The following PLCZ1 variants were observed in gnomAD, a reference collection of about 807,000 sequenced individuals.
PLCZ1 encodes 1-phosphatidylinositol 4,5-bisphosphate phosphodiesterase zeta-1.
PLCZ1 carries 64 observed loss-of-function variants against 76.8 expected under a neutral mutation model. The ratio of observed to expected loss-of-function variants is 0.83; its 90% CI spans 0.68 to 1.03. PLCZ1 has a LOEUF of 1.03. Among genes scored for constraint, PLCZ1 ranks in the 50% least tolerant of loss-of-function variants. PLCZ1 has a pLI of 0.00. For synonymous variants in PLCZ1, 248 were observed against 230.8 expected (o/e 1.07, Z -0.68); for missense variants, 751 against 713.7 (o/e 1.05, Z -0.60).
rs1843777 is a variant in PLCZ1, at chr12:18,689,402, G to A, written c.1462-1184C>T. Among the ~76,000 whole-genome samples the A allele has an allele frequency of 2.6e-3, 402 of 152,310 alleles. 12 individuals are homozygous for A. Among genetic ancestry groups the A allele is most frequent in the Admixed American group, 0.024 (360 of 15,306 alleles). On this transcript the variant is annotated intron_variant, in intron 12 of 14. Transcript: ENST00000266505. ...ATGGTGGCTTTGAATGCGGCCCAAC[G>A]CAAATTCATAAACTTTCTTAAAACA... is the stretch of plus-strand genomic sequence containing the variant.
intron 12 of PLCZ1, among the ~76,000 whole-genome samples, chr12:18,689,482 G>A (rs555746237): frequency 1.3e-4 from 20 of 152,260 alleles, no homozygotes; most frequent in African/African-American, 3.4e-4. Context: ...TAGTGTTAGT[G>A]TATTTTATGT....
chr12:18,707,951 A>C (rs780691242), intron 6 of PLCZ1, among the ~76,000 whole-genome samples: 10 of 152,212 alleles, frequency 6.6e-5, no homozygotes, highest in Non-Finnish European at 1.2e-4. Flanking sequence ...AGGTTATTAC[A>C]GTGAATCAAA....
At chr12:18,722,988 T>G (rs1242787831) in intron 4 of PLCZ1, among the ~76,000 whole-genome samples, 1 of 152,000 alleles carries the variant, frequency 6.6e-6, no homozygotes, top group Non-Finnish European at 1.5e-5. Context: ...TCAAGATACT[T>G]TCTTCTAATA....
intron 7 of PLCZ1, among the ~76,000 whole-genome samples, chr12:18,704,851 T>G (rs374272362): frequency 6.6e-6 from 1 of 152,104 alleles, no homozygotes; most frequent in African/African-American, 2.4e-5. Context: ...TTTGCCACTT[T>G]CTAGGACTTT....
At chr12:18,655,506 C>G in the PLCZ1 span, among the ~76,000 whole-genome samples, 1 of 152,066 alleles carries the variant, frequency 6.6e-6, no homozygotes, top group Non-Finnish European at 1.5e-5. Context: ...ACATAGCTAC[C>G]CATTCCTTAC....
chr12:18,711,047 G>A (rs1230365049), intron 6 of PLCZ1, among the ~76,000 whole-genome samples: 2 of 151,938 alleles, frequency 1.3e-5, no homozygotes, highest in African/African-American at 4.8e-5. Context: ...TATACCCAAA[G>A]GACTATAAAT....
intron 14 of PLCZ1, chr12:18,683,547 T>C (rs1952640472): frequency 1.3e-6 from 2 of 1,500,520 alleles, no homozygotes; most frequent in Non-Finnish European, 1.8e-6. Flanking sequence ...CTCATACTTC[T>C]CCTTCCGCAA....
At chr12:18,696,720 T>A (rs1337669516) in intron 10 of PLCZ1, among the ~76,000 whole-genome samples, 2 of 152,078 alleles carry the variant, frequency 1.3e-5, no homozygotes, top group African/African-American at 2.4e-5. Context: ...CGATTCCAGC[T>A]AAATTAATCC....
the PLCZ1 span, among the ~76,000 whole-genome samples, chr12:18,667,332 G>A: frequency 6.6e-6 from 1 of 152,102 alleles, no homozygotes; most frequent in Non-Finnish European, 1.5e-5. Context: ...CTACCAAGAA[G>A]TTAACAGTCA....
intron 5 of PLCZ1, among the ~76,000 whole-genome samples, chr12:18,717,711 T>C (rs973443213): frequency 6.6e-6 from 1 of 152,140 alleles, no homozygotes; most frequent in Non-Finnish European, 1.5e-5. Context: ...AATTTGGTTA[T>C]TGGAATGAAC....
the PLCZ1 span, among the ~76,000 whole-genome samples, chr12:18,658,643 C>A: frequency 6.6e-6 from 1 of 152,096 alleles, no homozygotes; most frequent in African/African-American, 2.4e-5. Context: ...TAAATAATAG[C>A]ATTAAAGTAC....
intron 3 of PLCZ1, among the ~76,000 whole-genome samples, chr12:18,728,311 T>G (rs1474701287): frequency 8.5e-5 from 13 of 152,192 alleles, no homozygotes; most frequent in Admixed American, 8.5e-4. Flanking sequence ...AAAAAGAAGC[T>G]AACAATAACT....
intron 12 of PLCZ1, 116 bp downstream of exon 12, chr12:18,694,794 A>G (rs12826151): frequency 1.2e-6 from 1 of 856,892 alleles, no homozygotes; most frequent in South Asian, 1.9e-5. Context: ...GTACCTGAAA[A>G]GATTAACAGA....
chr12:18,715,592 G>C (rs1957892623), intron 5 of PLCZ1: 1 of 152,030 alleles, frequency 6.6e-6, no homozygotes, highest in African/African-American at 2.4e-5. Context: ...AGTAGAAACG[G>C]GGTTTCACTG....
In PLCZ1 at chr12:18,718,215, G is replaced by C. The variant is rs139859120; in HGVS notation, c.569+1216C>G. 4.6e-5 allele frequency among the ~76,000 whole-genome samples: 7 copies of C among 152,244 alleles called. No homozygotes were observed. In the East Asian group the frequency reaches 9.7e-4, roughly 21 times the overall value. ...GGGATGTAACCACATTGTAAGTTGA[G>C]AAGCATCTGTATCTCAAATTCAACT... On this transcript the variant is annotated intron_variant, in intron 5 of 14. Coordinates refer to ENST00000266505, the MANE Select transcript of PLCZ1 (RefSeq NM_033123.4).
At chr12:18,682,506 G>T (rs1952516582), downstream of PLCZ1, among the ~76,000 whole-genome samples, 1 of 152,010 alleles carries the variant, frequency 6.6e-6, no homozygotes, top group Non-Finnish European at 1.5e-5. Flanking sequence ...CTGTTGGTAA[G>T]AAGTCCAGCA....
At chr12:18,702,140 C>A (rs1323803082) in intron 7 of PLCZ1, among the ~76,000 whole-genome samples, 2 of 151,828 alleles carry the variant, frequency 1.3e-5, no homozygotes, top group East Asian at 3.9e-4. Context: ...GTAAACGCTT[C>A]AGCTCATCAT....
At chr12:18,658,746 C>T in the PLCZ1 span, among the ~76,000 whole-genome samples, 2 of 152,020 alleles carry the variant, frequency 1.3e-5, no homozygotes, top group African/African-American at 4.8e-5. Context: ...GAAGGTTTTA[C>T]ATATTCTATT....
chr12:18,727,258 G>A (rs1319011617), intron 3 of PLCZ1, among the ~76,000 whole-genome samples: 1 of 152,128 alleles, frequency 6.6e-6, no homozygotes, highest in East Asian at 1.9e-4. Context: ...TGAGGCAGGA[G>A]GATCCCTTGA....
Sources: gnomAD v4.1 joint callset for allele counts (sites outside exome capture counted in the v4.1 genomes callset) on GRCh38, gnomAD v4.1.1 for gene constraint, MANE v1.5 for transcripts, NCBI Gene and HGNC (gene_info 2026-07-23, HGNC 2026-07-21) for gene names.